PSAP: variants seen among roughly 807,000 people sequenced by gnomAD.
PSAP encodes precursor of saposins.
Under a neutral mutation model 66.0 loss-of-function variants are expected in PSAP, and 25 were observed. The ratio of observed to expected loss-of-function variants is 0.38; its 90% CI spans 0.28 to 0.53. The LOEUF is 0.53. Among genes scored for constraint, PSAP ranks in the 20% least tolerant of loss-of-function variants. The probability of loss-of-function intolerance (pLI) is 0.83; values close to 1 mark genes in which losing one functional copy is unlikely to be tolerated. For missense variants in PSAP, 649 were observed against 668.8 expected, an observed-to-expected ratio of 0.97 and a Z score of 0.33; for synonymous variants, 273 against 258.9, an observed-to-expected ratio of 1.05 and a Z score of -0.52.
chr10:71,819,232 C>A (rs147953974), intron 11 of PSAP, 121 bp from the exon 12 acceptor site: 3 of 1,073,514 alleles, frequency 2.8e-6, no homozygotes, highest in Non-Finnish European at 4.2e-6. Context: ...TCCCAGCCCA[C>A]TGGGTCCTGG....
intron 1 of PSAP, among the ~76,000 whole-genome samples, chr10:71,845,683 G>A (rs1038888678): frequency 7.2e-5 from 11 of 152,078 alleles, no homozygotes; most frequent in East Asian, 3.8e-4. Flanking sequence ...CTCCATTTAC[G>A]AATGGGGAAA....
intron 2 of PSAP, 139 bp from the exon 3 acceptor site, chr10:71,832,059 C>T: frequency 2.3e-6 from 2 of 857,346 alleles, no homozygotes; most frequent in Non-Finnish European, 1.9e-6. Flanking sequence ...CATCCTGGTT[C>T]TCCACCCTGC....
intron 2 of PSAP, among the ~76,000 whole-genome samples, chr10:71,833,016 C>CAAAAAAAA (rs781415981): frequency 0.042 from 2,133 of 50,240 alleles, 391 homozygotes; most frequent in Non-Finnish European, 0.058. Flanking sequence ...GAGTCCATCT[C>CAAAAAAAA]AAAAAAAAAA....
chr10:71,838,705 G>A (rs1304044211), intron 1 of PSAP, among the ~76,000 whole-genome samples: 1 of 152,114 alleles, frequency 6.6e-6, no homozygotes, highest in African/African-American at 2.4e-5. Flanking sequence ...GCACTCCAGT[G>A]CCCCAGCACC....
At chr10:71,846,829 T>C (rs1243868079) in intron 1 of PSAP, among the ~76,000 whole-genome samples, 2 of 151,568 alleles carry the variant, frequency 1.3e-5, no homozygotes, top group East Asian at 1.9e-4. Flanking sequence ...CCCTCCTTCC[T>C]GGTGGCAGAA....
chr10:71,842,896 G>A (rs941239167), intron 1 of PSAP, among the ~76,000 whole-genome samples: 7 of 151,892 alleles, frequency 4.6e-5, no homozygotes, highest in African/African-American at 1.5e-4. Flanking sequence ...ACAAAGACTC[G>A]GCACTATGAA....
chr10:71,850,790 C>T (rs1199411782), intron 1 of PSAP, among the ~76,000 whole-genome samples: 3 of 152,262 alleles, frequency 2.0e-5, no homozygotes, highest in Non-Finnish European at 4.4e-5. Flanking sequence ...CGGGACGGGG[C>T]TCCAGCCCAC....
intron 4 of PSAP, among the ~76,000 whole-genome samples, chr10:71,830,728 G>T (rs1394361383): frequency 6.6e-6 from 1 of 152,162 alleles, no homozygotes; most frequent in African/African-American, 2.4e-5. Context: ...CATACTTGAT[G>T]AATGAAAGAC....
At chr10:71,844,509 T>C (rs1024193378) in intron 1 of PSAP, among the ~76,000 whole-genome samples, 1 of 151,942 alleles carries the variant, frequency 6.6e-6, no homozygotes, top group African/African-American at 2.4e-5. Context: ...GTACTAAAAA[T>C]ACAAACGTTA....
intron 1 of PSAP, among the ~76,000 whole-genome samples, chr10:71,836,543 C>A (rs548487161): frequency 1.3e-5 from 2 of 152,238 alleles, no homozygotes; most frequent in South Asian, 4.1e-4. Flanking sequence ...ACCTCCAAAT[C>A]AAGATGAACA....
rs549700740 is a variant in PSAP at position 71,827,618 on chromosome 10, T to C, written c.720+396A>G. Among the ~76,000 whole-genome samples the C allele has an allele frequency of 1.5e-3, 221 of 150,066 alleles. 2 individuals are homozygous for C. The highest frequency in any genetic ancestry group is 8.3e-4 in the Non-Finnish European group (56 of 67,786). ...TGCACACACCTGTAATCCCAGCTACTCGGGAGGCTAAGGCAGGAGAATCCC... is the reference window on the plus strand; with the variant it reads ...TGCACACACCTGTAATCCCAGCTACCCGGGAGGCTAAGGCAGGAGAATCCC... On this transcript the variant is annotated intron_variant, in intron 6 of 13. Coordinates refer to ENST00000394936, the MANE Select transcript of PSAP (RefSeq NM_002778.4).
intron 2 of PSAP, among the ~76,000 whole-genome samples, chr10:71,832,526 G>T (rs1332803634): frequency 2.6e-5 from 4 of 152,180 alleles, no homozygotes; most frequent in Non-Finnish European, 5.9e-5. Flanking sequence ...GAAGAAACAT[G>T]TCTGGGTGAG....
In PSAP at chr10:71,846,894, C is replaced by G. The variant is rs1265417233; in HGVS notation, c.40+4288G>C. Among the ~76,000 whole-genome samples the G allele has an allele frequency of 2.0e-5, 3 of 152,280 alleles. No individual in the cohort carries two copies. In the South Asian group the frequency reaches 6.2e-4, roughly 32 times the overall value. On this transcript the variant is annotated intron_variant, in intron 1 of 13. Coordinates refer to ENST00000394936, the MANE Select transcript of PSAP (RefSeq NM_002778.4). ...AGCCTGGTAGCCAGTAACCTAGAAT[C>G]TCTGCTAGAAGCTGCCTCCAAAGCT...
At chr10:71,827,334 G>A (rs1218260629) in intron 6 of PSAP, among the ~76,000 whole-genome samples, 2 of 150,950 alleles carry the variant, frequency 1.3e-5, no homozygotes, top group African/African-American at 4.9e-5. Context: ...GGGAGGCGGA[G>A]CTTGCAGTGA....
chr10:71,828,387 G>T (rs1842436840), intron 5 of PSAP, among the ~76,000 whole-genome samples: 1 of 152,112 alleles, frequency 6.6e-6, no homozygotes, highest in African/African-American at 2.4e-5. Context: ...CAGGCACAGT[G>T]GCTCACACCT....
chr10:71,850,277 G>A (rs974588529), intron 1 of PSAP, among the ~76,000 whole-genome samples: 1 of 152,032 alleles, frequency 6.6e-6, no homozygotes. Context: ...TCTCTTAGTC[G>A]GCTACCTGAG....
In PSAP at chr10:71,828,100, C is replaced by G. The variant is rs770498314; in HGVS notation, c.634G>C (p.Val212Leu). ...IQMVTDIQTA[V>L]RTNSTFVQAL... ...TGGACAAAGGTGGAGTTGGTCCGTA[C>G]AGCAGTCTGGATGTCAGTCACCATC... Residue 212 changes from valine (V) to leucine (L), a missense_variant, in exon 6 of 14, where the codon GTA becomes CTA. Coordinates refer to ENST00000394936, the MANE Select transcript of PSAP (RefSeq NM_002778.4). 1 of 1,614,156 alleles carries G rather than the reference C, an allele frequency of 6.2e-7. No homozygotes were observed. Among genetic ancestry groups the G allele is most frequent in the Admixed American group, 1.7e-5 (1 of 60,018 alleles).
Position 71,825,836 on chromosome 10 carries a change from CCATGTG to C in PSAP, c.772_777del (p.His258_Met259del). ...TAACAAGGGGCCTCCGTGCCACCTA[CCATGTG>C]CATCATCATCTGGATAGCAATTTCA... On this transcript the variant is annotated inframe_deletion and splice_region_variant, in exon 7 of 14. Coordinates refer to ENST00000394936, the MANE Select transcript of PSAP (RefSeq NM_002778.4). 1 of 1,612,608 alleles carries C rather than the reference CCATGTG, an allele frequency of 6.2e-7. No homozygotes were observed. Among genetic ancestry groups the C allele is most frequent in the Non-Finnish European group, 8.5e-7 (1 of 1,178,564 alleles).
At chr10:71,838,944 C>T (rs1564824492) in intron 1 of PSAP, among the ~76,000 whole-genome samples, 1 of 152,198 alleles carries the variant, frequency 6.6e-6, no homozygotes, top group Non-Finnish European at 1.5e-5. Flanking sequence ...ATAACATTTT[C>T]AGCATTTATA....
Sources: allele counts gnomAD v4.1 joint callset (sites outside exome capture counted in the v4.1 genomes callset), GRCh38; gene constraint gnomAD v4.1.1; transcripts MANE v1.5; gene names NCBI Gene and HGNC (gene_info 2026-07-23, HGNC 2026-07-21).